Variants in MAD1L1 observed in about 807,000 individuals in gnomAD.
MAD1L1 encodes the protein mitotic arrest deficient 1 like 1.
MAD1L1 carries 95 observed loss-of-function variants against 96.9 expected under a neutral mutation model. The ratio of observed to expected loss-of-function variants is 0.98; its 90% CI spans 0.83 to 1.16. The LOEUF is 1.16. Ranked by LOEUF, MAD1L1 falls within the 50% of genes most tolerant of loss-of-function variation. MAD1L1 has a pLI of 0.00. For synonymous variants in MAD1L1, 473 were observed against 396.6 expected, an observed-to-expected ratio of 1.19 and a Z score of -2.29; for missense variants, 1,007 against 954.4, an observed-to-expected ratio of 1.06 and a Z score of -0.73.
chr7:2,140,507 G>A (rs574942589), intron 11 of MAD1L1, among the ~76,000 whole-genome samples: 1 of 152,368 alleles, frequency 6.6e-6, no homozygotes, highest in African/African-American at 2.4e-5. Flanking sequence ...AGGGAGAAGG[G>A]AGAAAAGAAG....
chr7:1,944,569 A>G (rs977674247), intron 16 of MAD1L1, among the ~76,000 whole-genome samples: 2 of 152,140 alleles, frequency 1.3e-5, no homozygotes, highest in South Asian at 4.1e-4. Context: ...TCCAGGGTGA[A>G]GGAGAAACTC....
intron 11 of MAD1L1, among the ~76,000 whole-genome samples, chr7:2,131,532 G>A (rs1020678630): frequency 2.0e-5 from 3 of 152,206 alleles, no homozygotes; most frequent in Non-Finnish European, 4.4e-5. Flanking sequence ...TCTGTTCCCC[G>A]ACGAGCTTGT....
At chr7:1,836,153 C>G (rs1385755262) in intron 18 of MAD1L1, among the ~76,000 whole-genome samples, 1 of 152,134 alleles carries the variant, frequency 6.6e-6, no homozygotes, top group Non-Finnish European at 1.5e-5. Context: ...TCCTGAGTAG[C>G]TGGGATTACA....
chr7:2,062,607 A>G (rs1244511684), intron 12 of MAD1L1, among the ~76,000 whole-genome samples: 1 of 150,714 alleles, frequency 6.6e-6, no homozygotes, highest in Non-Finnish European at 1.5e-5. Flanking sequence ...TGAAGTCAGG[A>G]GGCGCTTGCC....
rs1442028826 is a variant in MAD1L1 at position 2,157,028 on chromosome 7, C to T, written c.987-7790G>A. Among the ~76,000 whole-genome samples, 9 of 152,230 alleles carry T rather than the reference C, an allele frequency of 5.9e-5. No homozygotes were observed. In the East Asian group the frequency reaches 9.6e-4, roughly 16 times the overall value. ...AATCTGAAGGACAAATATTAGGTTA[C>T]AGAATTTGGTCCAAGTCTAAAAGAA... is the stretch of plus-strand genomic sequence containing the variant. On this transcript the variant is annotated intron_variant, in intron 10 of 18. Transcript: ENST00000265854.
intron 15 of MAD1L1, among the ~76,000 whole-genome samples, chr7:1,976,455 G>T (rs1780643624): frequency 6.6e-6 from 1 of 152,220 alleles, no homozygotes; most frequent in African/African-American, 2.4e-5. Flanking sequence ...GTTCCTCCCA[G>T]TGGGTTCGTG....
chr7:1,983,460 T>C (rs56381355), intron 14 of MAD1L1, among the ~76,000 whole-genome samples: 86 of 152,332 alleles, frequency 5.6e-4, no homozygotes, highest in Non-Finnish European at 1.1e-3. Context: ...GGAGTTGGGA[T>C]TGATAGGTAA....
chr7:2,081,082 A>G (rs565084900), intron 11 of MAD1L1, among the ~76,000 whole-genome samples: 1 of 152,172 alleles, frequency 6.6e-6, no homozygotes, highest in South Asian at 2.1e-4. Context: ...AGCTGCTGTG[A>G]TGGTCCAGGA....
intron 10 of MAD1L1, among the ~76,000 whole-genome samples, chr7:2,206,250 G>C (rs34033546): frequency 0.2 from 30,093 of 152,230 alleles, 3,125 homozygotes; most frequent in Middle Eastern, 0.26. Flanking sequence ...TCTTTGGTCA[G>C]ATACATGTTA....
intron 12 of MAD1L1, among the ~76,000 whole-genome samples, chr7:2,054,654 A>G (rs560341345): frequency 6.6e-6 from 1 of 152,372 alleles, no homozygotes; most frequent in Non-Finnish European, 1.5e-5. Context: ...TAAATTCCAA[A>G]GCCGAGAGAA....
chr7:2,014,907 G>A (rs972337478), intron 12 of MAD1L1, among the ~76,000 whole-genome samples: 11 of 152,260 alleles, frequency 7.2e-5, no homozygotes, highest in African/African-American at 2.4e-4. Context: ...TACAGCGGGT[G>A]TGGGCTCCAC....
chr7:1,996,242 T>G, intron 14 of MAD1L1, among the ~76,000 whole-genome samples: 1 of 128,494 alleles, frequency 7.8e-6, no homozygotes, highest in Non-Finnish European at 1.6e-5. Context: ...TCCCCCCGGG[T>G]CTACACACGG....
intron 5 of MAD1L1, 114 bp downstream of exon 5, chr7:2,222,461 T>C: frequency 1.2e-6 from 1 of 864,696 alleles, no homozygotes; most frequent in Non-Finnish European, 1.7e-6. Flanking sequence ...AAAACGCAGC[T>C]GCCCGTGTGG....
rs557830884 is a variant in MAD1L1 at position 2,174,928 on chromosome 7, C to T, written c.987-25690G>A. ...GGAGGCTCTGAATGAGCGACTGTGA[C>T]GGCCACCTGTAAGTTTCACGGCAAC... On this transcript the variant is annotated intron_variant, in intron 10 of 18. Coordinates refer to ENST00000265854, the MANE Select transcript of MAD1L1 (RefSeq NM_001013836.2). 2.1e-4 allele frequency among the ~76,000 whole-genome samples: 32 copies of T among 152,294 alleles called. No individual in the cohort carries two copies. In the South Asian group the frequency reaches 5.4e-3, roughly 26 times the overall value.
chr7:2,006,978 G>A (rs1782060417), intron 13 of MAD1L1, among the ~76,000 whole-genome samples: 1 of 152,118 alleles, frequency 6.6e-6, no homozygotes, highest in South Asian at 2.1e-4. Flanking sequence ...TCAGAGCCGC[G>A]GGAGGGGATG....
At chr7:2,059,927 C>A (rs1228395256) in intron 12 of MAD1L1, among the ~76,000 whole-genome samples, 1 of 152,126 alleles carries the variant, frequency 6.6e-6, no homozygotes, top group Non-Finnish European at 1.5e-5. Context: ...GGCAGAAAGT[C>A]TAATGACATG....
chr7:2,056,919 A>G (rs1415566362), intron 12 of MAD1L1, among the ~76,000 whole-genome samples: 1 of 152,194 alleles, frequency 6.6e-6, no homozygotes, highest in Non-Finnish European at 1.5e-5. Context: ...AACCTTCCCA[A>G]GTACCCGTGC....
At chr7:2,163,575 A>G (rs1345337260) in intron 10 of MAD1L1, among the ~76,000 whole-genome samples, 1 of 152,072 alleles carries the variant, frequency 6.6e-6, no homozygotes, top group African/African-American at 2.4e-5. Context: ...GGGTTTCACT[A>G]TGTTGGCCAG....
intron 12 of MAD1L1, among the ~76,000 whole-genome samples, chr7:2,017,329 T>C (rs367547877): frequency 2.0e-5 from 3 of 152,230 alleles, no homozygotes; most frequent in East Asian, 3.8e-4. Context: ...AGAGTTACAT[T>C]GTCCACTGGC....
Sources: allele counts gnomAD v4.1 joint callset (sites outside exome capture counted in the v4.1 genomes callset), GRCh38; gene constraint gnomAD v4.1.1; transcripts MANE v1.5; gene names NCBI Gene and HGNC (gene_info 2026-07-23, HGNC 2026-07-21).